Variants in PAFAH1B2 observed in about 807,000 individuals in gnomAD.
The protein encoded by PAFAH1B2 is platelet-activating factor acetylhydrolase IB subunit alpha2.
Under a neutral mutation model 28.0 loss-of-function variants are expected in PAFAH1B2, and 8 were observed. The ratio of observed to expected loss-of-function variants is 0.29; its 90% CI spans 0.17 to 0.52. PAFAH1B2 has a LOEUF of 0.52. PAFAH1B2 is among the 20% of genes least tolerant of loss of function. The pLI is 0.97. For synonymous variants in PAFAH1B2, 104 were observed against 103.2 expected (o/e 1.01, Z -0.05); for missense variants, 190 against 282.6 (o/e 0.67, Z 2.35).
At chr11:117,159,069 A>T (rs78166985) in intron 2 of PAFAH1B2, among the ~76,000 whole-genome samples, 8,162 of 152,304 alleles carry the variant, frequency 0.054, 257 homozygotes, top group Middle Eastern at 0.1. Context: ...AACAAAGCAA[A>T]CATGGGAAAA....
chr11:117,175,314 T>C (rs139298486), downstream of PAFAH1B2: 2,987 of 1,070,462 alleles, frequency 2.8e-3, 20 homozygotes, highest in Middle Eastern at 0.021. Flanking sequence ...TTTTGCTGAC[T>C]GCTGCAGCCA....
downstream of PAFAH1B2, among the ~76,000 whole-genome samples, chr11:117,172,130 C>T (rs1235984815): frequency 6.6e-6 from 1 of 151,918 alleles, no homozygotes; most frequent in Non-Finnish European, 1.5e-5. Context: ...GAAAAAGCTC[C>T]CTCACCAGCA....
chr11:117,168,445 C>CCGTT lies in PAFAH1B2; in HGVS notation c.*746_*747insCGTT. ...TTCCCCTTCATTCCCCCCGCCACCC[C>CCGTT]GTTTTTTTTTTTTTTTTTTTTTTTT... On this transcript the variant is annotated 3_prime_UTR_variant, in exon 6 of 6. Transcript: ENST00000527958. The CCGTT allele has an allele frequency of 2.8e-6, 1 of 353,516 alleles. No homozygotes were observed. 21.9% of individuals were successfully genotyped at this position (353,516 alleles called of 1,614,324 possible).
intron 1 of PAFAH1B2, among the ~76,000 whole-genome samples, chr11:117,150,831 CA>C (rs888292777): frequency 1.3e-5 from 2 of 151,710 alleles, no homozygotes; most frequent in Non-Finnish European, 2.9e-5. Context: ...ACTAAAAATA[CA>C]AAAAAATTAG....
chr11:117,162,512 C>A (rs2134202531), intron 4 of PAFAH1B2, among the ~76,000 whole-genome samples: 1 of 149,148 alleles, frequency 6.7e-6, no homozygotes, highest in South Asian at 2.1e-4. Context: ...TGCCTGTAAT[C>A]CTAGCACTTT....
intron 1 of PAFAH1B2, 142 bp downstream of exon 1, chr11:117,144,560 G>GT (rs1565256668): frequency 5.7e-6 from 1 of 176,230 alleles, no homozygotes; most frequent in East Asian, 1.1e-4. Context: ...ATCCACTTGG[G>GT]GGGGGCCTCG....
At chr11:117,171,746 A>G, downstream of PAFAH1B2, 1 of 1,535,340 alleles carries the variant, frequency 6.5e-7, no homozygotes. Flanking sequence ...GCAATATTAC[A>G]GTGAGTTGGT....
chr11:117,154,146 T>C (rs894791334), intron 2 of PAFAH1B2, among the ~76,000 whole-genome samples: 1 of 151,914 alleles, frequency 6.6e-6, no homozygotes, highest in African/African-American at 2.4e-5. Flanking sequence ...CCACAGTTGA[T>C]TTGCCCATTT....
At chr11:117,146,793 G>A (rs1245811935) in intron 1 of PAFAH1B2, among the ~76,000 whole-genome samples, 1 of 150,106 alleles carries the variant, frequency 6.7e-6, no homozygotes, top group African/African-American at 2.5e-5. Context: ...TTGAGCCTAG[G>A]AGTTCAAGAT....
At chr11:117,175,255 TCTC>T, downstream of PAFAH1B2, 1 of 1,082,624 alleles carries the variant, frequency 9.2e-7, no homozygotes, top group Non-Finnish European at 1.1e-6. Flanking sequence ...GGCCCCGACA[TCTC>T]CCCTGTGTGC....
At chr11:117,175,789 T>TA (rs570460292), downstream of PAFAH1B2, 1,459 of 1,140,568 alleles carry the variant, frequency 1.3e-3, 5 homozygotes, top group Admixed American at 6.4e-3. Context: ...GAGGCCAACT[T>TA]AGAGTAGTGG....
chr11:117,169,994 A>G lies in PAFAH1B2; in HGVS notation c.*2295A>G. ...CAAACCTCAGATGTTACTACATTTT[A>G]TATCTACCAGAGCTATTCAAGCAAT... On this transcript the variant is annotated 3_prime_UTR_variant, in exon 6 of 6. Transcript: ENST00000527958. The G allele has an allele frequency of 1.9e-6, 2 of 1,054,228 alleles. No individual in the cohort carries two copies. The highest frequency in any genetic ancestry group is 2.3e-6 in the Non-Finnish European group (2 of 872,418). 65.3% of individuals were successfully genotyped at this position (1,054,228 alleles called of 1,614,324 possible). A position where few individuals can be genotyped will look rare whatever the true frequency, so the allele number is the denominator to read the frequency against.
At position 117,169,976 on chromosome 11, in the gene PAFAH1B2, C is replaced by T. The variant is rs1956611028; in HGVS notation, c.*2277C>T. On this transcript the variant is annotated 3_prime_UTR_variant, in exon 6 of 6. Coordinates refer to ENST00000527958, the MANE Select transcript of PAFAH1B2 (RefSeq NM_002572.4). Reference sequence around the variant, plus strand: ...CTCCTTTGCTCATGTGTACAAACCTCAGATGTTACTACATTTTATATCTAC... The same window carrying T: ...CTCCTTTGCTCATGTGTACAAACCTTAGATGTTACTACATTTTATATCTAC... 1.9e-6 allele frequency: 2 copies of T among 1,053,448 alleles called. No individual in the cohort carries two copies. The highest frequency in any genetic ancestry group is 1.7e-5 in the African/African-American group (1 of 60,414). The allele number at this position is 1,053,448 out of a possible 1,614,324, so 65.3% of individuals were successfully genotyped here.
downstream of PAFAH1B2, chr11:117,175,729 T>C: frequency 9.0e-7 from 1 of 1,115,136 alleles, no homozygotes; most frequent in Non-Finnish European, 1.2e-6. Context: ...AGTAGGACTC[T>C]GGATGTGCGT....
At chr11:117,161,011 A>T in intron 3 of PAFAH1B2, 134 bp from the exon 4 acceptor site, 1 of 638,472 alleles carries the variant, frequency 1.6e-6, no homozygotes, top group Non-Finnish European at 2.7e-6. Context: ...AAAAGCCCTT[A>T]AACAGTGTCA....
chr11:117,175,647 T>G, downstream of PAFAH1B2: 1 of 1,281,840 alleles, frequency 7.8e-7, no homozygotes, highest in African/African-American at 1.5e-5. Flanking sequence ...TCATTGTGCA[T>G]AGCAAGCTTC....
downstream of PAFAH1B2, among the ~76,000 whole-genome samples, chr11:117,171,354 T>C (rs953499188): frequency 2.6e-5 from 4 of 152,222 alleles, no homozygotes; most frequent in Non-Finnish European, 5.9e-5. Context: ...CCACCTCATC[T>C]GAACTGGGTG....
intron 1 of PAFAH1B2, 67 bp from the exon 2 acceptor site, chr11:117,152,374 A>G: frequency 1.1e-6 from 1 of 901,886 alleles, no homozygotes; most frequent in Non-Finnish European, 1.9e-6. Context: ...CCTGATGTGT[A>G]TAATATTTAA....
intron 1 of PAFAH1B2, among the ~76,000 whole-genome samples, chr11:117,146,252 A>G (rs1196111802): frequency 1.3e-5 from 2 of 150,908 alleles, no homozygotes; most frequent in Non-Finnish European, 2.9e-5. Flanking sequence ...ACACCCAGCT[A>G]ATTTTGTATT....
Sources: allele counts gnomAD v4.1 joint callset (sites outside exome capture counted in the v4.1 genomes callset), GRCh38; gene constraint gnomAD v4.1.1; transcripts MANE v1.5; gene names NCBI Gene and HGNC (gene_info 2026-07-23, HGNC 2026-07-21).